Variants in TDRD5 observed in about 807,000 individuals in gnomAD.
TDRD5 encodes tudor domain containing 5.
In TDRD5, 41 loss-of-function variants were observed where a neutral mutation model predicts 120.6. The ratio of observed to expected loss-of-function variants is 0.34; its 90% confidence interval spans 0.26 to 0.44. The LOEUF (loss-of-function observed/expected upper bound fraction) is 0.44, where lower values mean the gene tolerates loss of function less well. TDRD5 is among the 20% of genes least tolerant of loss of function. TDRD5 has a pLI of 1.00. For missense variants in TDRD5, 1,006 were observed against 1,221.2 expected (o/e 0.82, Z 2.63); for synonymous variants, 430 against 433.7 (o/e 0.99, Z 0.11).
intron 17 of TDRD5, among the ~76,000 whole-genome samples, chr1:179,670,993 TAAG>T (rs1322237652): frequency 6.6e-6 from 1 of 152,254 alleles, no homozygotes. Context: ...TTTGTAGTTT[TAAG>T]TCTGAGATCC....
At chr1:179,658,705 A>G (rs985862890) in intron 14 of TDRD5, among the ~76,000 whole-genome samples, 11 of 152,090 alleles carry the variant, frequency 7.2e-5, no homozygotes, top group African/African-American at 2.7e-4. Context: ...TATCCATTTT[A>G]TTGAACTTCC....
intron 11 of TDRD5, 103 bp from the exon 12 acceptor site, chr1:179,650,764 T>A (rs1027906554): frequency 2.2e-5 from 27 of 1,202,010 alleles, no homozygotes; most frequent in Non-Finnish European, 2.2e-5. Flanking sequence ...ATGGTTTTAT[T>A]TCCACTTAAA....
intron 2 of TDRD5, among the ~76,000 whole-genome samples, 179 bp from the exon 3 acceptor site, chr1:179,593,281 G>A (rs1257223377): frequency 2.1e-4 from 32 of 152,180 alleles, no homozygotes; most frequent in African/African-American, 9.7e-5. Context: ...CAGCTGGCAG[G>A]AGAGCTAGCA....
intron 6 of TDRD5, among the ~76,000 whole-genome samples, chr1:179,629,926 T>C (rs1174895305): frequency 1.3e-5 from 2 of 152,088 alleles, no homozygotes; most frequent in Admixed American, 6.6e-5. Flanking sequence ...GGCAAGAAAA[T>C]CAAACTGTAT....
chr1:179,617,874 C>G (rs1248464348), intron 4 of TDRD5, among the ~76,000 whole-genome samples: 1 of 152,144 alleles, frequency 6.6e-6, no homozygotes, highest in Non-Finnish European at 1.5e-5. Flanking sequence ...TCCTCAGACT[C>G]TACTGTCTTA....
At chr1:179,657,101 A>G (rs776587245) in intron 14 of TDRD5, among the ~76,000 whole-genome samples, 1 of 152,194 alleles carries the variant, frequency 6.6e-6, no homozygotes, top group South Asian at 2.1e-4. Flanking sequence ...CCTATTTTAT[A>G]CTTTTTCAAA....
intron 6 of TDRD5, 29 bp downstream of exon 6, chr1:179,621,120 A>G (rs1676820345): frequency 6.3e-7 from 1 of 1,575,068 alleles, no homozygotes; most frequent in South Asian, 1.2e-5. Context: ...CCCAACCCTA[A>G]TTTTTTATGG....
At chr1:179,621,210 TG>T in intron 6 of TDRD5, 119 bp downstream of exon 6, 2 of 799,314 alleles carry the variant, frequency 2.5e-6, no homozygotes, top group Middle Eastern at 2.4e-4. Context: ...GGAAACATTT[TG>T]TTTTGCATTT....
chr1:179,609,678 T>C (rs1209510613), intron 4 of TDRD5, among the ~76,000 whole-genome samples: 2 of 152,172 alleles, frequency 1.3e-5, no homozygotes, highest in Non-Finnish European at 2.9e-5. Context: ...GCCCCACCAC[T>C]GAAGCATTAC....
At chr1:179,690,040 C>G (rs979555042) in intron 17 of TDRD5, among the ~76,000 whole-genome samples, 12 of 152,228 alleles carry the variant, frequency 7.9e-5, no homozygotes, top group Non-Finnish European at 5.9e-5. Context: ...GGCTCATGCT[C>G]TGTGGGCTGC....
At chr1:179,631,264 C>T (rs953769152) in intron 7 of TDRD5, among the ~76,000 whole-genome samples, 2 of 152,030 alleles carry the variant, frequency 1.3e-5, no homozygotes, top group Non-Finnish European at 2.9e-5. Flanking sequence ...TGGTGGTGGG[C>T]GCCTGTAGTC....
rs550053407 is a variant in TDRD5, at chr1:179,600,938, A to C, written c.831+5120A>C. ...CCAAATATTTGGGGATTTTTTTCAG[A>C]GATGTTTCTGTTCGAATTTCATTGT... is the stretch of plus-strand genomic sequence containing the variant. On this transcript the variant is annotated intron_variant, in intron 4 of 17. Transcript: ENST00000444136. Among the ~76,000 whole-genome samples, 4 of 152,214 alleles carry C rather than the reference A, an allele frequency of 2.6e-5. No individual in the cohort carries two copies. In the East Asian group the frequency reaches 7.7e-4, roughly 29 times the overall value.
At chr1:179,596,233 C>T (rs1450478884) in intron 4 of TDRD5, among the ~76,000 whole-genome samples, 1 of 152,092 alleles carries the variant, frequency 6.6e-6, no homozygotes, top group Non-Finnish European at 1.5e-5. Flanking sequence ...CCAATAAATG[C>T]CTGACTAAAT....
intron 17 of TDRD5, among the ~76,000 whole-genome samples, chr1:179,675,668 G>C (rs899225584): frequency 1.3e-5 from 2 of 152,120 alleles, no homozygotes; most frequent in African/African-American, 2.4e-5. Context: ...CTATTTGCAT[G>C]GTTTTGAGTG....
intron 13 of TDRD5, among the ~76,000 whole-genome samples, chr1:179,653,431 A>G (rs2102068988): frequency 6.6e-6 from 1 of 152,258 alleles, no homozygotes; most frequent in East Asian, 1.9e-4. Context: ...TTCCTACTGC[A>G]TGTTCAAAAC....
At chr1:179,624,292 G>A (rs561293360) in intron 6 of TDRD5, among the ~76,000 whole-genome samples, 1 of 152,290 alleles carries the variant, frequency 6.6e-6, no homozygotes, top group East Asian at 1.9e-4. Context: ...TTTGGATAAA[G>A]TGCATTTGTG....
intron 17 of TDRD5, among the ~76,000 whole-genome samples, chr1:179,685,942 G>A (rs1021639286): frequency 3.9e-5 from 6 of 152,160 alleles, no homozygotes; most frequent in African/African-American, 1.4e-4. Context: ...GAGATTTTGA[G>A]CTAAGATGAT....
In TDRD5 at chr1:179,638,633, A is replaced by G. The variant is rs1677891310; in HGVS notation, c.1521-1206A>G. On this transcript the variant is annotated intron_variant, in intron 9 of 17. Coordinates refer to ENST00000444136, the MANE Select transcript of TDRD5 (RefSeq NM_001199085.3). ...CACAGTTATAGAATCTTGCTGCTCCAGAATAGTGTGTTGTCCCTGTTCACG... is the reference window on the plus strand; with the variant it reads ...CACAGTTATAGAATCTTGCTGCTCCGGAATAGTGTGTTGTCCCTGTTCACG... Among the ~76,000 whole-genome samples, 3 of 127,614 alleles carry G rather than the reference A, an allele frequency of 2.4e-5. 1 individual carries two copies. Among genetic ancestry groups the G allele is most frequent in the Non-Finnish European group, 5.2e-5 (3 of 57,626 alleles). 83.7% of individuals were successfully genotyped at this position (127,614 alleles called of 152,430 possible).
At chr1:179,667,997 G>A (rs1472912332) in intron 16 of TDRD5, among the ~76,000 whole-genome samples, 2 of 152,122 alleles carry the variant, frequency 1.3e-5, no homozygotes, top group Non-Finnish European at 2.9e-5. Flanking sequence ...GATCCCAGAC[G>A]ATAAACCACT....
Sources: allele counts gnomAD v4.1 joint callset (sites outside exome capture counted in the v4.1 genomes callset), GRCh38; gene constraint gnomAD v4.1.1; transcripts MANE v1.5; gene names NCBI Gene and HGNC (gene_info 2026-07-23, HGNC 2026-07-21).